POLR2B: variants seen among roughly 807,000 people sequenced by gnomAD.
POLR2B encodes the protein RNA polymerase II subunit B.
Under a neutral mutation model 144.6 loss-of-function variants are expected in POLR2B, and 57 were observed. The ratio of observed to expected loss-of-function variants is 0.39; its 90% confidence interval spans 0.32 to 0.49. The LOEUF is 0.49. Ranked by LOEUF, POLR2B falls within the 20% of genes least tolerant of loss-of-function variation. POLR2B has a pLI of 0.83. For synonymous variants in POLR2B, 442 were observed against 469.8 expected, an observed-to-expected ratio of 0.94 and a Z score of 0.77; for missense variants, 595 against 1,467.4, an observed-to-expected ratio of 0.41 and a Z score of 9.71.
intron 7 of POLR2B, 92 bp from the exon 8 acceptor site, chr4:57,005,154 G>A: frequency 1.6e-6 from 1 of 639,386 alleles, no homozygotes; most frequent in Non-Finnish European, 2.5e-6. Flanking sequence ...GTTCATAGGG[G>A]TACTTGGCAT....
rs1722062376 is a variant in POLR2B, at chr4:56,978,923, G to A, written c.-63G>A. 3.3e-6 allele frequency: 5 copies of A among 1,520,596 alleles called. No individual in the cohort carries two copies. In the Admixed American group the frequency reaches 5.0e-5, roughly 15 times the overall value. 94.2% of individuals were successfully genotyped at this position (1,520,596 alleles called of 1,614,324 possible). A position where few individuals can be genotyped will look rare whatever the true frequency, so the allele number is the denominator to read the frequency against. The stretch of plus-strand genomic sequence containing the variant: ...TTCGTCTTTAGCTCCTGGCGCTGCT[G>A]GCTTCTGGGCGGTTTTTGTCTTTTG... On this transcript the variant is annotated 5_prime_UTR_variant, in exon 1 of 25. Coordinates refer to ENST00000314595, the MANE Select transcript of POLR2B (RefSeq NM_000938.3).
chr4:57,023,816 AT>A lies in POLR2B; in HGVS notation c.2856+68del. 8.4e-7 allele frequency: 1 copy of A among 1,183,590 alleles called. No homozygotes were observed. 73.3% of individuals were successfully genotyped at this position (1,183,590 alleles called of 1,614,324 possible). Reference sequence around the variant, plus strand: ...GTTAAATATTTTTTTTTTAATCAAAATTTGCTTTAACTTAAGAGCTCAAAGA... The same window carrying A: ...GTTAAATATTTTTTTTTTAATCAAAATTGCTTTAACTTAAGAGCTCAAAGA... On this transcript the variant is annotated intron_variant, in intron 20 of 24. Transcript: ENST00000314595. This position sits in a 1 kb window ranked among gnomAD's most constrained non-coding sequence, Gnocchi z 4.3.
intron 7 of POLR2B, among the ~76,000 whole-genome samples, chr4:57,002,508 T>C (rs1490157297): frequency 6.6e-6 from 1 of 152,158 alleles, no homozygotes; most frequent in Non-Finnish European, 1.5e-5. Flanking sequence ...AAGTACATTA[T>C]TGTTATTCCT....
At chr4:57,025,560 T>C (rs1322372428) in intron 23 of POLR2B, 23 bp downstream of exon 23, 4 of 1,453,548 alleles carry the variant, frequency 2.8e-6, no homozygotes, top group Middle Eastern at 1.8e-4. Context: ...TCATCATCAT[T>C]ATTATTAATT....
At chr4:56,997,879 A>G (rs1311047451) in intron 6 of POLR2B, among the ~76,000 whole-genome samples, 1 of 152,216 alleles carries the variant, frequency 6.6e-6, no homozygotes, top group African/African-American at 2.4e-5. Context: ...GCCCAGGTAC[A>G]AGTATTTGAA....
chr4:56,997,638 A>G (rs1050662667), intron 6 of POLR2B, among the ~76,000 whole-genome samples: 2 of 152,236 alleles, frequency 1.3e-5, no homozygotes, highest in African/African-American at 4.8e-5. Context: ...CTGGAAGGAC[A>G]TTCTTATTAG....
intron 8 of POLR2B, 70 bp downstream of exon 8, chr4:57,005,512 A>G: frequency 6.7e-7 from 1 of 1,498,258 alleles, no homozygotes; most frequent in Non-Finnish European, 9.0e-7. Context: ...TCTTAGAGTC[A>G]AAAATGATGT....
At chr4:57,006,794 A>G in intron 9 of POLR2B, 22 bp from the exon 10 acceptor site, 1 of 1,580,052 alleles carries the variant, frequency 6.3e-7, no homozygotes, top group Non-Finnish European at 8.7e-7. Flanking sequence ...CATGTTTAAA[A>G]TAATACCATT....
chr4:57,026,276 C>T (rs1398336903), intron 23 of POLR2B, among the ~76,000 whole-genome samples: 1 of 151,888 alleles, frequency 6.6e-6, no homozygotes, highest in Non-Finnish European at 1.5e-5. Context: ...ACGGGGGTCT[C>T]ACTATGTTGC....
chr4:56,999,303 A>G (rs1722784459), intron 6 of POLR2B, among the ~76,000 whole-genome samples: 1 of 150,404 alleles, frequency 6.6e-6, no homozygotes, highest in African/African-American at 2.5e-5. Context: ...GTGAGGAATC[A>G]GTATTCATAT....
In POLR2B at chr4:57,017,263, C is replaced by A; in HGVS notation, c.2154+22C>A. 6.5e-7 allele frequency: 1 copy of A among 1,543,106 alleles called. No homozygotes were observed. The highest frequency in any genetic ancestry group is 1.1e-5 in the South Asian group (1 of 88,076). On this transcript the variant is annotated intron_variant, in intron 15 of 24. Transcript: ENST00000314595. The surrounding 1 kb of genome is among the most constrained non-coding windows in gnomAD (Gnocchi z 4.8). ...CCAGGTTGGTATCACTTTTTGTCTT[C>A]TGGTGTGAGGAATTGGGAGAAGTAA... is the stretch of plus-strand genomic sequence containing the variant.
chr4:57,025,326 T>C lies in POLR2B; in HGVS notation c.3079-51T>C, dbSNP rs780444057. ...ACACAATATATACACATATCTTCTT[T>C]GACGTTGTTTAATTTTTAGGTCTAC... On this transcript the variant is annotated intron_variant, in intron 22 of 24. Transcript: ENST00000314595. 3.0e-6 allele frequency: 4 copies of C among 1,328,044 alleles called. 1 individual carries two copies. In the African/African-American group the frequency reaches 5.8e-5, roughly 19 times the overall value. 82.3% of individuals were successfully genotyped at this position (1,328,044 alleles called of 1,614,324 possible).
At chr4:57,004,219 G>C (rs570670590) in intron 7 of POLR2B, among the ~76,000 whole-genome samples, 1 of 151,312 alleles carries the variant, frequency 6.6e-6, no homozygotes, top group South Asian at 2.1e-4. Flanking sequence ...TAGAGACGGG[G>C]TTTCACTGTG....
chr4:57,005,224 T>A (rs954731799), intron 7 of POLR2B, 22 bp from the exon 8 acceptor site: 1 of 1,419,848 alleles, frequency 7.0e-7, no homozygotes, highest in African/African-American at 1.5e-5. Flanking sequence ...TGAAAATAAC[T>A]TTTATTTAAA....
intron 16 of POLR2B, among the ~76,000 whole-genome samples, chr4:57,020,158 T>C (rs1403892705): frequency 2.0e-5 from 3 of 152,148 alleles, no homozygotes; most frequent in African/African-American, 7.2e-5. Flanking sequence ...CTCAGCCTCC[T>C]GAGTAGCTGG....
chr4:57,001,835 T>G (rs1722863546), intron 7 of POLR2B, among the ~76,000 whole-genome samples: 1 of 152,190 alleles, frequency 6.6e-6, no homozygotes, highest in African/African-American at 2.4e-5. Context: ...TAAATGATAT[T>G]CTTAAAATTG....
At position 57,017,692 on chromosome 4, in the gene POLR2B, T is replaced by G; in HGVS notation, c.2287T>G (p.Ser763Ala). 2 of 1,613,838 alleles carry G rather than the reference T, an allele frequency of 1.2e-6. No individual in the cohort carries two copies. The highest frequency in any genetic ancestry group is 1.7e-6 in the Non-Finnish European group (2 of 1,179,884). ...YPQKPLVTTR[S>A]MEYLRFRELP... ...TCAAAAGCCACTTGTGACTACACGG[T>G]CTATGGAATATCTACGATTTAGAGA... Residue 763 changes from serine to alanine, a missense_variant, in exon 16 of 25, where the codon TCT becomes GCT. Coordinates refer to ENST00000314595, the MANE Select transcript of POLR2B (RefSeq NM_000938.3). This position sits in a 1 kb window ranked among gnomAD's most constrained non-coding sequence, Gnocchi z 4.8.
intron 6 of POLR2B, among the ~76,000 whole-genome samples, chr4:56,996,206 ATGTGTGTGTG>A (rs59059584): frequency 1.7e-4 from 20 of 115,338 alleles, no homozygotes; most frequent in South Asian, 9.3e-4. Context: ...ATTTCAGTTC[ATGTGTGTGTG>A]TGTGTGTGTG....
chr4:56,981,536 A>G (rs1722157678), intron 1 of POLR2B, among the ~76,000 whole-genome samples: 1 of 152,240 alleles, frequency 6.6e-6, no homozygotes, highest in Admixed American at 6.5e-5. Context: ...TTAGCAATGT[A>G]TAATGATCCT....
Sources: gnomAD v4.1 joint callset for allele counts (sites outside exome capture counted in the v4.1 genomes callset) on GRCh38, gnomAD v4.1.1 for gene constraint, Gnocchi (gnomAD v3.1) non-coding constraint, MANE v1.5 for transcripts, NCBI Gene and HGNC (gene_info 2026-07-23, HGNC 2026-07-21) for gene names.